The following LGR5 variants were observed in gnomAD, a reference collection of about 807,000 sequenced individuals.
The protein encoded by LGR5 is leucine-rich repeat-containing G protein-coupled receptor 5.
Under a neutral mutation model 76.7 loss-of-function variants are expected in LGR5, and 54 were observed. The ratio of observed to expected loss-of-function variants is 0.70; its 90% CI spans 0.57 to 0.88. The LOEUF (loss-of-function observed/expected upper bound fraction) is 0.88, where lower values mean the gene tolerates loss of function less well. LGR5 is among the 40% of genes least tolerant of loss of function. LGR5 has a pLI of 0.00. For synonymous variants in LGR5, 406 were observed against 421.9 expected (o/e 0.96, Z 0.46); for missense variants, 1,078 against 1,073.3 (o/e 1.00, Z -0.06).
intron 1 of LGR5, among the ~76,000 whole-genome samples, chr12:71,454,986 A>G (rs1227159672): frequency 6.6e-6 from 1 of 152,056 alleles, no homozygotes; most frequent in African/African-American, 2.4e-5. Context: ...CAAAAAACAA[A>G]ACCAAAAAAA....
intron 2 of LGR5, among the ~76,000 whole-genome samples, chr12:71,514,223 T>A (rs12824588): frequency 0.093 from 14,110 of 152,170 alleles, 702 homozygotes; most frequent in Non-Finnish European, 0.11. Flanking sequence ...ACCGAGATGG[T>A]TAAGGAAGAT....
chr12:71,493,486 A>C (rs893268079), intron 1 of LGR5, among the ~76,000 whole-genome samples: 1 of 151,306 alleles, frequency 6.6e-6, no homozygotes, highest in Admixed American at 6.6e-5. Context: ...AAAATTATTT[A>C]TAGGAGCCAA....
chr12:71,548,301 C>CTGTG lies in LGR5; in HGVS notation c.429-4751_429-4748dup, dbSNP rs10629001. 1.3e-3 allele frequency among the ~76,000 whole-genome samples: 139 copies of CTGTG among 104,102 alleles called. 1 individual carries two copies. The highest frequency in any genetic ancestry group is 3.2e-3 in the African/African-American group (115 of 35,618). The allele number at this position is 104,102 out of a possible 152,430, so 68.3% of individuals were successfully genotyped here. On this transcript the variant is annotated intron_variant, in intron 4 of 17. Transcript: ENST00000266674. ...GAACAAAACTATTTGCCTTGTTGCACTGTGTGTGTGTGTGTGTGTGTGTGC... is the reference window on the plus strand; with the variant it reads ...GAACAAAACTATTTGCCTTGTTGCACTGTGTGTGTGTGTGTGTGTGTGTGTGTGC...
chr12:71,445,601 T>A (rs1871953028), intron 1 of LGR5, among the ~76,000 whole-genome samples: 1 of 152,258 alleles, frequency 6.6e-6, no homozygotes, highest in Admixed American at 6.5e-5. Context: ...CTGATTTTGT[T>A]ATCCATAAGT....
intron 1 of LGR5, among the ~76,000 whole-genome samples, chr12:71,470,804 C>G (rs1873067880): frequency 6.6e-6 from 1 of 152,144 alleles, no homozygotes; most frequent in Admixed American, 6.5e-5. Context: ...CACGTGAGGC[C>G]AAGATTGTCT....
At position 71,480,997 on chromosome 12, in the gene LGR5, G is replaced by A. The variant is rs117209464; in HGVS notation, c.213-23617G>A. Among the ~76,000 whole-genome samples the A allele has an allele frequency of 7.7e-3, 1,168 of 152,266 alleles. 9 individuals carry two copies. The highest frequency in any genetic ancestry group is 0.034 in the Middle Eastern group (10 of 294). ...TACGATAGCTAGATAACAACATTTAGGCTCCATTCTTCAGATCATGGGCAA... is the reference window on the plus strand; with the variant it reads ...TACGATAGCTAGATAACAACATTTAAGCTCCATTCTTCAGATCATGGGCAA... On this transcript the variant is annotated intron_variant, in intron 1 of 17. Coordinates refer to ENST00000266674, the MANE Select transcript of LGR5 (RefSeq NM_003667.4).
chr12:71,564,685 T>C (rs62640856), intron 8 of LGR5, among the ~76,000 whole-genome samples: 2,189 of 10,462 alleles, frequency 0.21, 220 homozygotes, highest in East Asian at 0.61. Flanking sequence ...TATATACATA[T>C]ATACATATAT....
intron 16 of LGR5, among the ~76,000 whole-genome samples, chr12:71,580,982 A>T (rs1286268169): frequency 6.6e-6 from 1 of 152,190 alleles, no homozygotes; most frequent in East Asian, 1.9e-4. Context: ...ATTTATATGT[A>T]TAATTAGATT....
At chr12:71,511,525 T>C (rs942361120) in intron 2 of LGR5, among the ~76,000 whole-genome samples, 4 of 152,144 alleles carry the variant, frequency 2.6e-5, no homozygotes, top group African/African-American at 9.7e-5. Context: ...TCACCTGTAG[T>C]GCTTGTAAAA....
chr12:71,513,637 C>A (rs1875281094), intron 2 of LGR5, among the ~76,000 whole-genome samples: 1 of 151,476 alleles, frequency 6.6e-6, no homozygotes, highest in African/African-American at 2.4e-5. Context: ...TAGCATCATG[C>A]CCATAAAGTA....
chr12:71,514,524 C>T (rs1875338955), intron 2 of LGR5, among the ~76,000 whole-genome samples: 2 of 149,204 alleles, frequency 1.3e-5, no homozygotes, highest in Admixed American at 6.7e-5. Context: ...GCCCAGATCG[C>T]GCCACTGCAC....
intron 2 of LGR5, among the ~76,000 whole-genome samples, chr12:71,510,270 G>A (rs772823045): frequency 2.0e-5 from 3 of 152,112 alleles, no homozygotes; most frequent in South Asian, 2.1e-4. Flanking sequence ...GTTATTTCAC[G>A]GCAGTTATTT....
chr12:71,522,984 AT>A (rs910812875), intron 2 of LGR5, among the ~76,000 whole-genome samples: 13 of 152,188 alleles, frequency 8.5e-5, no homozygotes, highest in African/African-American at 3.1e-4. Context: ...TATGTTGCTA[AT>A]TTTTTTAAGC....
intron 2 of LGR5, among the ~76,000 whole-genome samples, chr12:71,522,136 A>G (rs546673430): frequency 1.3e-5 from 2 of 152,322 alleles, no homozygotes; most frequent in Non-Finnish European, 2.9e-5. Flanking sequence ...GTTCAGTTCT[A>G]GCACCCACTA....
At chr12:71,512,885 A>G (rs1875233903) in intron 2 of LGR5, among the ~76,000 whole-genome samples, 1 of 152,194 alleles carries the variant, frequency 6.6e-6, no homozygotes, top group African/African-American at 2.4e-5. Context: ...TGTTCTAGAG[A>G]TAATGATTGG....
intron 8 of LGR5, among the ~76,000 whole-genome samples, chr12:71,565,815 C>T (rs1795459): frequency 0.88 from 133,807 of 151,772 alleles, 60,942 homozygotes; most frequent in East Asian, 1. Context: ...TCAAATACCA[C>T]TACATTGAAA....
chr12:71,559,578 A>AT lies in LGR5; in HGVS notation c.717-4dup. 1.4e-6 allele frequency: 2 copies of AT among 1,481,316 alleles called. No individual in the cohort carries two copies. The highest frequency in any genetic ancestry group is 1.4e-5 in the African/African-American group (1 of 72,308). 91.8% of individuals were successfully genotyped at this position (1,481,316 alleles called of 1,614,324 possible). ...AAAAAACTGAAAATACTATGTACTC[A>AT]TTTTCAGAGATTTAAATTACAATAA... On this transcript the variant is annotated splice_region_variant and splice_polypyrimidine_tract_variant and intron_variant, in intron 6 of 17. Coordinates refer to ENST00000266674, the MANE Select transcript of LGR5 (RefSeq NM_003667.4).
chr12:71,574,490 T>C (rs865964310), intron 13 of LGR5, among the ~76,000 whole-genome samples: 176 of 152,208 alleles, frequency 1.2e-3, no homozygotes, highest in African/African-American at 4.1e-3. Flanking sequence ...CCATTAATGA[T>C]TCGTTTGGAT....
intron 8 of LGR5, 72 bp from the exon 9 acceptor site, chr12:71,566,332 T>A: frequency 1.1e-6 from 1 of 948,776 alleles, no homozygotes; most frequent in East Asian, 2.4e-5. Context: ...CTGTATTTGT[T>A]CAAATTTTGA....
Sources: gnomAD v4.1 joint callset for allele counts (sites outside exome capture counted in the v4.1 genomes callset) on GRCh38, gnomAD v4.1.1 for gene constraint, MANE v1.5 for transcripts, NCBI Gene and HGNC (gene_info 2026-07-23, HGNC 2026-07-21) for gene names.